Variants in BIRC6 observed in about 807,000 individuals in gnomAD.
The protein encoded by BIRC6 is baculoviral IAP repeat containing 6.
Under a neutral mutation model 503.3 loss-of-function variants are expected in BIRC6, and 98 were observed. The ratio of observed to expected loss-of-function variants is 0.19; its 90% confidence interval spans 0.17 to 0.23. The LOEUF is 0.23. Among genes scored for constraint, BIRC6 ranks in the 10% least tolerant of loss-of-function variants. BIRC6 has a pLI of 1.00. For synonymous variants in BIRC6, 2,240 were observed against 2,078.7 expected, an observed-to-expected ratio of 1.08 and a Z score of -2.11; for missense variants, 5,360 against 5,806.0, an observed-to-expected ratio of 0.92 and a Z score of 2.50.
At chr2:32,373,255 A>G (rs1482614303) in intron 1 of BIRC6, among the ~76,000 whole-genome samples, 1 of 152,214 alleles carries the variant, frequency 6.6e-6, no homozygotes, top group South Asian at 2.1e-4. Flanking sequence ...TAAAATTCAT[A>G]TAGAATCTCA....
intron 71 of BIRC6, among the ~76,000 whole-genome samples, chr2:32,606,438 A>T (rs533710854): frequency 2.0e-5 from 3 of 151,962 alleles, no homozygotes; most frequent in Admixed American, 6.6e-5. Context: ...AAATTAAAAA[A>T]AAAAATTAGC....
At position 32,357,062 on chromosome 2, in the gene BIRC6, C is replaced by G. The variant is rs116328659; in HGVS notation, c.-100C>G. 1 of 1,077,350 alleles carries G rather than the reference C, an allele frequency of 9.3e-7. No homozygotes were observed. The highest frequency in any genetic ancestry group is 1.8e-5 in the South Asian group (1 of 55,878). 66.7% of individuals were successfully genotyped at this position (1,077,350 alleles called of 1,614,324 possible). A position where few individuals can be genotyped will look rare whatever the true frequency, so the allele number is the denominator to read the frequency against. On this transcript the variant is annotated 5_prime_UTR_variant, in exon 1 of 74. Transcript: ENST00000421745. The surrounding 1 kb of genome is among the most constrained non-coding windows in gnomAD (Gnocchi z 4.9). ...CTCCCCCTCTCCCGTCAGCCTCCCT[C>G]CGAGTTTGGCCCCTCCGGCCGGGCG...
intron 39 of BIRC6, among the ~76,000 whole-genome samples, chr2:32,484,746 GGCTGGTCTTGAAC>G (rs1326754561): frequency 1.3e-5 from 2 of 151,830 alleles, no homozygotes; most frequent in Non-Finnish European, 2.9e-5. Context: ...ATGTTGCCCA[GGCTGGTCTTGAAC>G]TCCTGGGTGA....
At chr2:32,427,290 T>C (rs1256819763) in intron 10 of BIRC6, among the ~76,000 whole-genome samples, 2 of 110,830 alleles carry the variant, frequency 1.8e-5, no homozygotes, top group Non-Finnish European at 4.2e-5. Flanking sequence ...TTTTATTTTA[T>C]TTTTTTTTTG....
rs560262593 is a variant in BIRC6, at chr2:32,448,594, C to G, written c.4485-201C>G. Among the ~76,000 whole-genome samples the G allele has an allele frequency of 9.4e-3, 1,420 of 151,860 alleles. 5 individuals carry two copies. The highest frequency in any genetic ancestry group is 0.012 in the Non-Finnish European group (826 of 67,978). The stretch of plus-strand genomic sequence containing the variant: ...CAGGGAGGTTGCAGTGAGCCGAGAT[C>G]GCAGCAGTACAGTCCAGCTTCGGCT... On this transcript the variant is annotated intron_variant, in intron 21 of 73. Transcript: ENST00000421745.
chr2:32,611,378 A>AATGTC, intron 72 of BIRC6, 70 bp from the exon 73 acceptor site: 1 of 1,257,424 alleles, frequency 8.0e-7, no homozygotes, highest in South Asian at 2.3e-5. Context: ...ACTTCTTTGT[A>AATGTC]ATGTCATTTA....
chr2:32,485,583 G>A, intron 39 of BIRC6, 60 bp from the exon 40 acceptor site: 2 of 1,089,404 alleles, frequency 1.8e-6, no homozygotes, highest in Non-Finnish European at 2.8e-6. Context: ...TTTATTGTAG[G>A]AGGTAGGACA....
At chr2:32,613,304 C>T (rs1177556322) in intron 73 of BIRC6, among the ~76,000 whole-genome samples, 1 of 151,992 alleles carries the variant, frequency 6.6e-6, no homozygotes, top group African/African-American at 2.4e-5. Context: ...TCTGCCTCAG[C>T]CTCCTGAGTA....
chr2:32,600,644 T>C (rs1024134470), intron 70 of BIRC6, among the ~76,000 whole-genome samples: 3 of 152,200 alleles, frequency 2.0e-5, no homozygotes, highest in Non-Finnish European at 4.4e-5. Flanking sequence ...AGAGTGTAAG[T>C]GTAAAATATT....
chr2:32,402,816 C>G (rs1355903086), intron 8 of BIRC6, among the ~76,000 whole-genome samples: 1 of 152,114 alleles, frequency 6.6e-6, no homozygotes, highest in Non-Finnish European at 1.5e-5. Context: ...TAGGCACTTA[C>G]TTTAATTTGA....
At chr2:32,372,116 C>T (rs80180343) in intron 1 of BIRC6, among the ~76,000 whole-genome samples, 4,627 of 152,116 alleles carry the variant, frequency 0.03, 138 homozygotes, top group African/African-American at 0.082. Flanking sequence ...GTGTTTTTTC[C>T]TTTACAATAT....
chr2:32,600,264 T>C (rs769290851), intron 70 of BIRC6, among the ~76,000 whole-genome samples: 5 of 152,164 alleles, frequency 3.3e-5, no homozygotes, highest in East Asian at 1.9e-4. Flanking sequence ...CCAAAAGACA[T>C]AATAAAAATC....
chr2:32,401,892 A>G (rs2040635957), intron 8 of BIRC6, among the ~76,000 whole-genome samples: 1 of 152,214 alleles, frequency 6.6e-6, no homozygotes, highest in South Asian at 2.1e-4. Context: ...AGATGATGAA[A>G]AGTCAACATT....
intron 55 of BIRC6, among the ~76,000 whole-genome samples, chr2:32,517,607 C>A (rs1424325400): frequency 1.3e-5 from 2 of 152,104 alleles, no homozygotes. Context: ...CAGGATCTCT[C>A]TCTGTTGCCC....
chr2:32,509,826 A>G lies in BIRC6; in HGVS notation c.10069A>G (p.Asn3357Asp). ...GGCAAGTGCAGCTGCACCTACTGCT[A>G]ATCTGCTGCAGACTTGTGCGGCCTT... The part of the protein sequence containing the change: ...MMASAAAPTA[N>D]LLQTCAALLM... The change falls in exon 52 of 74, where the codon AAT becomes GAT. Residue 3357 changes from asparagine (N) to aspartate (D), a missense_variant. Asn to Asp is a conservative substitution (Grantham distance 23). This residue lies in a region of BIRC6 where 878 missense variants were observed against 928.9 expected (regional missense o/e 0.95). Coordinates refer to ENST00000421745, the MANE Select transcript of BIRC6 (RefSeq NM_016252.4). 5 of 1,613,980 alleles carry G rather than the reference A, an allele frequency of 3.1e-6. No individual in the cohort carries two copies. Among genetic ancestry groups the G allele is most frequent in the Non-Finnish European group, 4.2e-6 (5 of 1,179,862 alleles).
At chr2:32,379,320 T>G (rs2037286748) in intron 2 of BIRC6, 1 of 152,216 alleles carries the variant, frequency 6.6e-6, no homozygotes, top group South Asian at 2.1e-4. Context: ...ATAAACCAGC[T>G]GATATCAGGA....
At chr2:32,560,774 C>G (rs985408427) in intron 65 of BIRC6, among the ~76,000 whole-genome samples, 1 of 151,900 alleles carries the variant, frequency 6.6e-6, no homozygotes, top group Non-Finnish European at 1.5e-5. Flanking sequence ...CATTATGTTG[C>G]CCAGGCTAGT....
rs200836678 is a variant in BIRC6 at position 32,452,943 on chromosome 2, CA to C, written c.4619-864del. On this transcript the variant is annotated intron_variant, in intron 22 of 73. Transcript: ENST00000421745. ...AAGACATTGGAAAACAAGGTTATGA[CA>C]GTTTATTCTTGTGTTTGATAGTCCT... Among the ~76,000 whole-genome samples, 1,144 of 152,102 alleles carry C rather than the reference CA, an allele frequency of 7.5e-3. 12 individuals carry two copies. The highest frequency in any genetic ancestry group is 0.011 in the Non-Finnish European group (747 of 67,952).
chr2:32,585,645 G>T (rs1043259558), intron 66 of BIRC6, among the ~76,000 whole-genome samples: 3 of 152,188 alleles, frequency 2.0e-5, no homozygotes, highest in East Asian at 3.8e-4. Flanking sequence ...CTCCCAAAGT[G>T]CTGGGATTAC....
Sources: allele counts gnomAD v4.1 joint callset (sites outside exome capture counted in the v4.1 genomes callset), GRCh38; gene constraint gnomAD v4.1.1; regional missense constraint gnomAD v4.1.1; non-coding constraint Gnocchi (gnomAD v3.1); transcripts MANE v1.5; gene names NCBI Gene and HGNC (gene_info 2026-07-23, HGNC 2026-07-21).